SGCZ: variants seen among roughly 807,000 people sequenced by gnomAD.
The protein encoded by SGCZ is zeta-sarcoglycan.
SGCZ carries 40 observed loss-of-function variants against 41.3 expected under a neutral mutation model. The ratio of observed to expected loss-of-function variants is 0.97; its 90% CI spans 0.75 to 1.26. The LOEUF (loss-of-function observed/expected upper bound fraction) is 1.26. SGCZ is among the 50% of genes most tolerant of loss of function. SGCZ has a pLI of 0.00. For synonymous variants in SGCZ, 206 were observed against 137.5 expected, an observed-to-expected ratio of 1.50 and a Z score of -3.49; for missense variants, 552 against 369.8, an observed-to-expected ratio of 1.49 and a Z score of -4.04.
chr8:14,337,221 C>T (rs1389998380), intron 2 of SGCZ, among the ~76,000 whole-genome samples: 2 of 152,144 alleles, frequency 1.3e-5, no homozygotes, highest in African/African-American at 4.8e-5. Flanking sequence ...TTGTCCCCTT[C>T]CTTGTCTATC....
At chr8:15,158,816 T>G (rs1483885348) in intron 1 of SGCZ, among the ~76,000 whole-genome samples, 2 of 152,170 alleles carry the variant, frequency 1.3e-5, no homozygotes, top group Admixed American at 6.5e-5. Flanking sequence ...AAGAAAGATC[T>G]AGACAGGGAG....
At chr8:14,254,676 C>G (rs1799400927) in intron 3 of SGCZ, among the ~76,000 whole-genome samples, 1 of 152,086 alleles carries the variant, frequency 6.6e-6, no homozygotes, top group Non-Finnish European at 1.5e-5. Flanking sequence ...GTCATCCTTT[C>G]CACTAAACAT....
chr8:15,141,271 C>A (rs187386697), intron 1 of SGCZ, among the ~76,000 whole-genome samples: 1 of 152,224 alleles, frequency 6.6e-6, no homozygotes, highest in African/African-American at 2.4e-5. Context: ...TTCAAACCCA[C>A]TGCAGTCTGA....
chr8:14,872,942 A>T (rs1804220340), intron 1 of SGCZ, among the ~76,000 whole-genome samples: 3 of 152,160 alleles, frequency 2.0e-5, no homozygotes, highest in Admixed American at 1.3e-4. Flanking sequence ...GAGAGTTAGA[A>T]ATAAAGCAGA....
chr8:14,107,242 A>T (rs1007878583), intron 6 of SGCZ, among the ~76,000 whole-genome samples: 4 of 151,338 alleles, frequency 2.6e-5, no homozygotes, highest in East Asian at 1.9e-4. Context: ...AAATAAATAA[A>T]AAAAAAAAAC....
chr8:14,937,476 A>G (rs929143299), intron 1 of SGCZ, among the ~76,000 whole-genome samples: 16 of 152,094 alleles, frequency 1.1e-4, no homozygotes, highest in African/African-American at 3.9e-4. Flanking sequence ...CATAAGAAAC[A>G]AAAATTGGAA....
At chr8:14,560,766 G>C (rs1001731575) in intron 1 of SGCZ, among the ~76,000 whole-genome samples, 5 of 151,414 alleles carry the variant, frequency 3.3e-5, no homozygotes, top group Non-Finnish European at 4.4e-5. Context: ...ATTTTTTTTG[G>C]TAAAGCAACA....
chr8:14,355,443 C>T (rs1803258421), intron 2 of SGCZ, among the ~76,000 whole-genome samples: 1 of 152,052 alleles, frequency 6.6e-6, no homozygotes, highest in African/African-American at 2.4e-5. Context: ...TTAACAAATA[C>T]TGGCCTATTT....
chr8:14,322,973 T>G (rs1801977271), intron 3 of SGCZ, among the ~76,000 whole-genome samples: 1 of 152,108 alleles, frequency 6.6e-6, no homozygotes, highest in African/African-American at 2.4e-5. Context: ...TTTTAAAAGT[T>G]TAATTATGTA....
At chr8:14,294,172 T>C (rs866138246) in intron 3 of SGCZ, among the ~76,000 whole-genome samples, 6 of 152,066 alleles carry the variant, frequency 3.9e-5, no homozygotes, top group South Asian at 2.1e-4. Context: ...TTATGTAGAC[T>C]AAAAACTCTC....
intron 1 of SGCZ, among the ~76,000 whole-genome samples, chr8:15,200,857 C>G (rs1176949982): frequency 1.3e-5 from 2 of 152,188 alleles, no homozygotes; most frequent in Non-Finnish European, 2.9e-5. Context: ...AATCCATTCC[C>G]AGAAATAACA....
At chr8:14,654,203 G>A (rs990623637) in intron 1 of SGCZ, among the ~76,000 whole-genome samples, 2 of 151,024 alleles carry the variant, frequency 1.3e-5, no homozygotes, top group Admixed American at 6.6e-5. Context: ...GTAAAATAAT[G>A]GGTAACATAT....
At chr8:15,231,580 T>C (rs928675831) in intron 1 of SGCZ, among the ~76,000 whole-genome samples, 12 of 148,992 alleles carry the variant, frequency 8.1e-5, no homozygotes, top group African/African-American at 3.0e-4. Context: ...AGACTTTGAG[T>C]AAAATAAAAA....
chr8:14,830,096 C>T lies in SGCZ; in HGVS notation c.40-275170G>A, dbSNP rs1802475823. Among the ~76,000 whole-genome samples, 3 of 152,196 alleles carry T rather than the reference C, an allele frequency of 2.0e-5. 1 individual carries two copies. Among genetic ancestry groups the T allele is most frequent in the African/African-American group, 4.8e-5 (2 of 41,454 alleles). The stretch of plus-strand genomic sequence containing the variant: ...AAGTGCTGGGATTACAGGCATGAGC[C>T]ACCGCACCCGGCCTTATGTTTGTAT... On this transcript the variant is annotated intron_variant, in intron 1 of 7. Transcript: ENST00000382080.
chr8:14,202,978 A>T (rs1805503541), intron 4 of SGCZ, among the ~76,000 whole-genome samples: 1 of 152,078 alleles, frequency 6.6e-6, no homozygotes. Flanking sequence ...CGTGATAGTA[A>T]ATGAATCTCA....
intron 1 of SGCZ, among the ~76,000 whole-genome samples, chr8:14,623,515 G>A (rs1806352774): frequency 6.6e-6 from 1 of 151,946 alleles, no homozygotes; most frequent in Admixed American, 6.6e-5. Flanking sequence ...AGGACAGGAG[G>A]GGAAAAAATT....
chr8:14,508,223 C>G (rs1029510530), intron 2 of SGCZ, among the ~76,000 whole-genome samples: 10 of 152,022 alleles, frequency 6.6e-5, no homozygotes, highest in African/African-American at 2.4e-4. Context: ...ATTGAAGTAC[C>G]CTGAGACCAA....
chr8:14,910,036 C>G (rs563902313), intron 1 of SGCZ, among the ~76,000 whole-genome samples: 10 of 152,136 alleles, frequency 6.6e-5, no homozygotes, highest in Admixed American at 1.3e-4. Flanking sequence ...TGTCCCCCAC[C>G]CTGTGCTTTA....
intron 2 of SGCZ, among the ~76,000 whole-genome samples, chr8:14,339,463 C>T (rs1035227890): frequency 2.6e-5 from 4 of 152,176 alleles, no homozygotes; most frequent in Non-Finnish European, 1.5e-5. Flanking sequence ...CAGGTAATGA[C>T]CTCACCATCC....
Sources: allele counts gnomAD v4.1 joint callset (sites outside exome capture counted in the v4.1 genomes callset), GRCh38; gene constraint gnomAD v4.1.1; transcripts MANE v1.5; gene names NCBI Gene and HGNC (gene_info 2026-07-23, HGNC 2026-07-21).